The following BNC2 variants were observed in gnomAD, a reference collection of about 807,000 sequenced individuals.
The protein encoded by BNC2 is zinc finger protein basonuclin-2.
A neutral mutation model predicts 76.3 loss-of-function variants in BNC2; 20 were observed. That is an observed-to-expected ratio of 0.26 (90% CI 0.18 to 0.38). The LOEUF (loss-of-function observed/expected upper bound fraction) is 0.38. Ranked by LOEUF, BNC2 falls within the 10% of genes least tolerant of loss-of-function variation. BNC2 has a pLI of 1.00. For synonymous variants in BNC2, 582 were observed against 514.8 expected, an observed-to-expected ratio of 1.13 and a Z score of -1.77; for missense variants, 1,382 against 1,399.8, an observed-to-expected ratio of 0.99 and a Z score of 0.20.
At chr9:16,577,110 G>C (rs1056097817) in intron 4 of BNC2, among the ~76,000 whole-genome samples, 5 of 152,130 alleles carry the variant, frequency 3.3e-5, no homozygotes, top group African/African-American at 1.2e-4. Flanking sequence ...AGTCTGAATA[G>C]GATTTTCTTT....
At chr9:16,681,227 A>G (rs1226430061) in intron 3 of BNC2, among the ~76,000 whole-genome samples, 2 of 152,224 alleles carry the variant, frequency 1.3e-5, no homozygotes, top group African/African-American at 4.8e-5. Flanking sequence ...GAAATACTTC[A>G]ATTACTGAGA....
chr9:16,779,743 G>C (rs1018014893), intron 1 of BNC2, among the ~76,000 whole-genome samples: 2 of 152,174 alleles, frequency 1.3e-5, no homozygotes, highest in African/African-American at 2.4e-5. Flanking sequence ...ACCACATATA[G>C]TATAATTCCA....
chr9:16,597,120 T>G (rs1820111731), intron 3 of BNC2, among the ~76,000 whole-genome samples: 1 of 152,124 alleles, frequency 6.6e-6, no homozygotes. Context: ...TGACATAAGC[T>G]CGGTCCTCTT....
At chr9:16,614,018 G>A (rs990678531) in intron 3 of BNC2, among the ~76,000 whole-genome samples, 1 of 152,210 alleles carries the variant, frequency 6.6e-6, no homozygotes, top group African/African-American at 2.4e-5. Flanking sequence ...TTTCTGGTTT[G>A]TGTGTCCTTG....
intron 3 of BNC2, among the ~76,000 whole-genome samples, chr9:16,708,313 T>G (rs1316612221): frequency 1.3e-5 from 2 of 152,212 alleles, no homozygotes; most frequent in East Asian, 3.9e-4. Flanking sequence ...ACGTTTTAAT[T>G]TCTAGAAAGC....
intron 3 of BNC2, among the ~76,000 whole-genome samples, chr9:16,606,035 C>T (rs538690857): frequency 1.9e-4 from 29 of 152,136 alleles, no homozygotes; most frequent in Non-Finnish European, 3.7e-4. Context: ...TGACCCATGG[C>T]GCCCAGTCAA....
chr9:16,646,342 C>T (rs1035979327), intron 3 of BNC2, among the ~76,000 whole-genome samples: 4 of 152,212 alleles, frequency 2.6e-5, no homozygotes, highest in Middle Eastern at 6.8e-3. Context: ...AAGATGTCTC[C>T]ACTATATAGA....
intron 1 of BNC2, among the ~76,000 whole-genome samples, chr9:16,869,521 G>C (rs898437797): frequency 3.3e-5 from 5 of 152,090 alleles, no homozygotes; most frequent in African/African-American, 1.2e-4. Flanking sequence ...AGGGAGCAGG[G>C]AAGAGGAAAA....
chr9:16,489,181 T>A (rs1300518097), intron 5 of BNC2, among the ~76,000 whole-genome samples: 1 of 152,216 alleles, frequency 6.6e-6, no homozygotes. Flanking sequence ...ATATTACCAA[T>A]ACAAAAATTT....
chr9:16,507,201 C>G (rs1041058714), intron 5 of BNC2, among the ~76,000 whole-genome samples: 1 of 149,980 alleles, frequency 6.7e-6, no homozygotes, highest in African/African-American at 2.4e-5. Context: ...AGAGAAATCT[C>G]ATCTTTCTCC....
intron 5 of BNC2, among the ~76,000 whole-genome samples, chr9:16,462,110 C>T (rs1033629234): frequency 7.9e-5 from 12 of 152,090 alleles, no homozygotes; most frequent in Non-Finnish European, 1.5e-4. Context: ...CTATGGATTG[C>T]TTTTTCCTCA....
chr9:16,827,511 G>A (rs148991417), intron 1 of BNC2, among the ~76,000 whole-genome samples: 16 of 152,290 alleles, frequency 1.1e-4, no homozygotes, highest in African/African-American at 3.1e-4. Flanking sequence ...GTCACTCATT[G>A]TCATATTCCT....
chr9:16,558,517 C>T (rs1376024033), intron 4 of BNC2, among the ~76,000 whole-genome samples: 1 of 152,192 alleles, frequency 6.6e-6, no homozygotes, highest in East Asian at 1.9e-4. Flanking sequence ...TGTCCCTCCA[C>T]TACCTCTCCC....
At chr9:16,795,407 C>T (rs1337768999) in intron 1 of BNC2, among the ~76,000 whole-genome samples, 2 of 148,754 alleles carry the variant, frequency 1.3e-5, no homozygotes, top group African/African-American at 5.0e-5. Flanking sequence ...TTTAAACACA[C>T]TCCAGAAGTC....
At chr9:16,642,692 G>A (rs1821521976) in intron 3 of BNC2, among the ~76,000 whole-genome samples, 1 of 152,176 alleles carries the variant, frequency 6.6e-6, no homozygotes, top group Admixed American at 6.5e-5. Context: ...GAAAAACAGT[G>A]AGTGCCTTGG....
At chr9:16,824,734 C>G (rs1818412772) in intron 1 of BNC2, among the ~76,000 whole-genome samples, 2 of 152,172 alleles carry the variant, frequency 1.3e-5, no homozygotes, top group South Asian at 4.1e-4. Context: ...AAAGTATGAG[C>G]CACAGAGGGA....
chr9:16,649,475 GA>G (rs916144155), intron 3 of BNC2, among the ~76,000 whole-genome samples: 1 of 152,088 alleles, frequency 6.6e-6, no homozygotes, highest in African/African-American at 2.4e-5. Flanking sequence ...AAACTCAGAG[GA>G]AAAGTAGGAG....
At chr9:16,531,596 AAAG>A (rs1421454928) in intron 5 of BNC2, among the ~76,000 whole-genome samples, 1 of 152,226 alleles carries the variant, frequency 6.6e-6, no homozygotes, top group East Asian at 1.9e-4. Flanking sequence ...AAACAAAAAA[AAAG>A]AAGCTGCAAA....
chr9:16,651,907 T>TA (rs1821805053), intron 3 of BNC2, among the ~76,000 whole-genome samples: 1 of 152,268 alleles, frequency 6.6e-6, no homozygotes, highest in South Asian at 2.1e-4. Flanking sequence ...AAATAAAAAA[T>TA]AGAGTGTTAA....
Sources: allele counts gnomAD v4.1 joint callset (sites outside exome capture counted in the v4.1 genomes callset), GRCh38; gene constraint gnomAD v4.1.1; transcripts MANE v1.5; gene names NCBI Gene and HGNC (gene_info 2026-07-23, HGNC 2026-07-21).